MYO19: variants seen among roughly 807,000 people sequenced by gnomAD.
MYO19 encodes the protein unconventional myosin-XIX.
In MYO19, 132 loss-of-function variants were observed where a neutral mutation model predicts 129.2. The observed-to-expected ratio is 1.02, with a 90% CI of 0.89 to 1.18. The LOEUF (loss-of-function observed/expected upper bound fraction) is 1.18, where lower values mean the gene tolerates loss of function less well. MYO19 is among the 50% of genes most tolerant of loss of function. The pLI is 0.00. For synonymous variants in MYO19, 531 were observed against 477.2 expected (o/e 1.11, Z -1.47); for missense variants, 1,210 against 1,216.7 (o/e 0.99, Z 0.08).
chr17:36,526,452 ATC>A (rs1387325089), intron 5 of MYO19, among the ~76,000 whole-genome samples: 11 of 152,122 alleles, frequency 7.2e-5, no homozygotes, highest in Admixed American at 3.3e-4. Context: ...CAAGCTCATT[ATC>A]TGTCTGTACC....
intron 6 of MYO19, among the ~76,000 whole-genome samples, chr17:36,520,564 C>T: frequency 6.6e-6 from 1 of 152,102 alleles, no homozygotes; most frequent in Middle Eastern, 3.2e-3. Flanking sequence ...TTCTATTATA[C>T]TTCCACTACC....
intron 6 of MYO19, among the ~76,000 whole-genome samples, chr17:36,524,603 C>T (rs1278881628): frequency 6.6e-6 from 1 of 152,214 alleles, no homozygotes; most frequent in Non-Finnish European, 1.5e-5. Context: ...ATACCAGGAG[C>T]TTCTGTCCTC....
chr17:36,502,962 T>A (rs148280433), intron 21 of MYO19, 135 bp downstream of exon 21: 2 of 725,162 alleles, frequency 2.8e-6, no homozygotes, highest in Admixed American at 2.4e-5. Flanking sequence ...TTGAATCTGT[T>A]TCCCCCACTG....
rs778493425 is a variant in MYO19 at position 36,507,934 on chromosome 17, T to C, written c.1232-10A>G. 2.5e-6 allele frequency: 4 copies of C among 1,592,330 alleles called. No homozygotes were observed. Among genetic ancestry groups the C allele is most frequent in the African/African-American group, 1.3e-5 (1 of 74,384 alleles). On this transcript the variant is annotated splice_polypyrimidine_tract_variant and intron_variant, in intron 14 of 25. Coordinates refer to ENST00000614623, the MANE Select transcript of MYO19 (RefSeq NM_001163735.2). The stretch of plus-strand genomic sequence containing the variant: ...TACACATCCAGCAGGCCTGGGAAGA[T>C]GGCAGAGAACCCATGGGGCCACTGC...
intron 2 of MYO19, among the ~76,000 whole-genome samples, chr17:36,541,227 G>A (rs564093399): frequency 1.5e-3 from 233 of 152,216 alleles, no homozygotes; most frequent in African/African-American, 5.3e-3. Flanking sequence ...TTACAGGTGC[G>A]AGCCACCGCA....
At chr17:36,525,387 T>C (rs3744603) in intron 5 of MYO19, 46 bp from the exon 6 acceptor site, 15 of 1,360,940 alleles carry the variant, frequency 1.1e-5, no homozygotes, top group Non-Finnish European at 1.6e-5. Context: ...ATGCCTGTTT[T>C]TCAATGATGA....
chr17:36,517,825 A>C (rs1054296889), intron 6 of MYO19, among the ~76,000 whole-genome samples: 5 of 151,954 alleles, frequency 3.3e-5, no homozygotes, highest in African/African-American at 1.2e-4. Flanking sequence ...GCGGTGGCTC[A>C]CGCCTGTAAT....
upstream of MYO19, chr17:36,536,983 C>A: frequency 1.1e-6 from 1 of 906,516 alleles, no homozygotes; most frequent in Non-Finnish European, 1.7e-6. Flanking sequence ...CTCATTAGGG[C>A]CCAAAGTTCT....
At position 36,515,129 on chromosome 17, in the gene MYO19, G is replaced by A. The variant is rs758289945; in HGVS notation, c.601C>T (p.Gln201Ter). 11 of 1,610,404 alleles carry A rather than the reference G, an allele frequency of 6.8e-6. No individual in the cohort carries two copies. In the African/African-American group the frequency reaches 1.3e-4, roughly 20 times the overall value. ...NNSSRFGKFI[Q>*]LQLNRAQQMT... ...AGCTATTACCTGTTCAGCTGGAGCT[G>A]GATGAACTTCCCAAAGCGACTGCTG... Residue 201 changes from glutamine to a stop codon, truncating the protein, a stop_gained, in exon 8 of 26, where the codon CAG (glutamine) becomes TAG (stop). Transcript: ENST00000614623. LOFTEE classifies it high-confidence loss of function.
chr17:36,511,063 G>A (rs1298729783), intron 12 of MYO19, 146 bp from the exon 13 acceptor site: 2 of 969,292 alleles, frequency 2.1e-6, no homozygotes, highest in Non-Finnish European at 3.0e-6. Context: ...CTCACCCAAA[G>A]GACTCCATAA....
At chr17:36,504,925 A>AAG (rs1414334083) in intron 19 of MYO19, 3 of 291,512 alleles carry the variant, frequency 1.0e-5, no homozygotes, top group African/African-American at 4.4e-5. Context: ...AAAAAAAAAA[A>AAG]AAAAAGAAAA....
chr17:36,507,243 C>A (rs1599265176), intron 16 of MYO19, 104 bp from the exon 17 acceptor site: 2 of 1,491,926 alleles, frequency 1.3e-6, no homozygotes, highest in Admixed American at 1.8e-5. Context: ...ATCACACAGG[C>A]ATCATAGTGT....
At chr17:36,532,024 CAG>C (rs1428385381) in intron 3 of MYO19, among the ~76,000 whole-genome samples, 2 of 152,176 alleles carry the variant, frequency 1.3e-5, no homozygotes, top group African/African-American at 4.8e-5. Flanking sequence ...TTCAGAGAGG[CAG>C]AGACATGGGG....
Position 36,504,027 on chromosome 17 carries a change from G to A in MYO19, c.1906-7C>T, listed in dbSNP as rs554594296. 68 of 1,562,624 alleles carry A rather than the reference G, an allele frequency of 4.4e-5. No homozygotes were observed. The African/African-American group carries it at 6.8e-4, about 16-fold the overall frequency. On this transcript the variant is annotated splice_region_variant and splice_polypyrimidine_tract_variant and intron_variant, in intron 19 of 25. Coordinates refer to ENST00000614623, the MANE Select transcript of MYO19 (RefSeq NM_001163735.2). ...CCTCCAGCTGGCTCAGGACCTGCAA[G>A]GGTGGGGAGACAGGGCAGGCACCTG...
intron 9 of MYO19, among the ~76,000 whole-genome samples, 194 bp from the exon 10 acceptor site, chr17:36,513,919 T>C (rs1322159431): frequency 1.3e-5 from 2 of 152,194 alleles, no homozygotes; most frequent in Admixed American, 1.3e-4. Context: ...TCCAACCTGA[T>C]GCAAAAGAAC....
chr17:36,515,059 T>G, intron 8 of MYO19, 54 bp downstream of exon 8: 1 of 1,539,064 alleles, frequency 6.5e-7, no homozygotes, highest in Non-Finnish European at 8.8e-7. Context: ...CCCCAGCCAC[T>G]TTCAACCTCC....
At chr17:36,510,416 C>T (rs1200214933) in intron 13 of MYO19, among the ~76,000 whole-genome samples, 2 of 152,242 alleles carry the variant, frequency 1.3e-5, no homozygotes, top group African/African-American at 4.8e-5. Context: ...TCTAGATCAC[C>T]TTTGGGGCCT....
chr17:36,532,080 C>T (rs758039272), intron 3 of MYO19, among the ~76,000 whole-genome samples: 5 of 152,154 alleles, frequency 3.3e-5, no homozygotes, highest in Admixed American at 1.3e-4. Context: ...TTCTATATTT[C>T]CTCATAGTCT....
At chr17:36,537,874 T>C, upstream of MYO19, 1 of 1,614,124 alleles carries the variant, frequency 6.2e-7, no homozygotes, top group Non-Finnish European at 8.5e-7. Context: ...ATTTTTCCCC[T>C]AAATAAGTCC....
Sources: allele counts gnomAD v4.1 joint callset (sites outside exome capture counted in the v4.1 genomes callset), GRCh38; gene constraint gnomAD v4.1.1; transcripts MANE v1.5; gene names NCBI Gene and HGNC (gene_info 2026-07-23, HGNC 2026-07-21).